Variants in DIS3L2 observed in about 807,000 individuals in gnomAD.
DIS3L2 encodes DIS3-like exonuclease 2.
A neutral mutation model predicts 97.5 loss-of-function variants in DIS3L2; 34 were observed. The ratio of observed to expected loss-of-function variants is 0.35; its 90% confidence interval spans 0.27 to 0.46. The LOEUF is 0.46. Ranked by LOEUF, DIS3L2 falls within the 20% of genes least tolerant of loss-of-function variation. DIS3L2 has a pLI of 1.00. For missense variants in DIS3L2, 1,038 were observed against 1,146.0 expected, an observed-to-expected ratio of 0.91 and a Z score of 1.36; for synonymous variants, 435 against 445.2, an observed-to-expected ratio of 0.98 and a Z score of 0.29.
chr2:232,099,448 CAAGTGATCTGCATACCTCAGCCTCCCA>C (rs1337669918), intron 6 of DIS3L2, among the ~76,000 whole-genome samples: 8 of 152,124 alleles, frequency 5.3e-5, no homozygotes, highest in Non-Finnish European at 7.4e-5. Context: ...CTCCTGGCCT[CAAGTGATCTGCATACCTCAGCCTCCCA>C]AAGTGCTGGG....
At chr2:232,223,245 C>T (rs754409141) in intron 10 of DIS3L2, among the ~76,000 whole-genome samples, 13 of 152,220 alleles carry the variant, frequency 8.5e-5, no homozygotes, top group Non-Finnish European at 1.9e-4. Flanking sequence ...CCAACACACT[C>T]ACTGCTTGAT....
intron 5 of DIS3L2, among the ~76,000 whole-genome samples, chr2:232,038,964 A>G (rs1015545723): frequency 2.0e-5 from 3 of 152,364 alleles, no homozygotes; most frequent in African/African-American, 7.2e-5. Context: ...TTATCTGTTT[A>G]ACTAGCTCCT....
chr2:232,144,907 A>G (rs1690174902), intron 8 of DIS3L2, among the ~76,000 whole-genome samples: 1 of 152,218 alleles, frequency 6.6e-6, no homozygotes, highest in Non-Finnish European at 1.5e-5. Context: ...GAAAGATACC[A>G]CAGAGGTGAT....
intron 5 of DIS3L2, among the ~76,000 whole-genome samples, chr2:232,030,289 C>G (rs951903486): frequency 3.3e-5 from 5 of 152,186 alleles, no homozygotes; most frequent in Non-Finnish European, 7.3e-5. Flanking sequence ...TCTCCTTGCT[C>G]TCTCTCTAGT....
At chr2:232,244,125 T>C (rs1574968169) in intron 11 of DIS3L2, among the ~76,000 whole-genome samples, 1 of 152,190 alleles carries the variant, frequency 6.6e-6, no homozygotes, top group East Asian at 1.9e-4. Flanking sequence ...GGTTTTTATC[T>C]GAGAGAGGAA....
chr2:232,295,881 G>A (rs1484864241), intron 13 of DIS3L2, among the ~76,000 whole-genome samples: 4 of 152,164 alleles, frequency 2.6e-5, no homozygotes, highest in African/African-American at 9.7e-5. Flanking sequence ...CCCTCCTTGA[G>A]GCATGTTCTC....
chr2:232,098,092 G>A (rs1265858985), intron 6 of DIS3L2, among the ~76,000 whole-genome samples: 8 of 152,160 alleles, frequency 5.3e-5, no homozygotes, highest in Non-Finnish European at 1.2e-4. Context: ...GGTGAACAAT[G>A]TAGTCATACT....
intron 13 of DIS3L2, among the ~76,000 whole-genome samples, chr2:232,273,517 G>A (rs1467167609): frequency 6.6e-6 from 1 of 152,206 alleles, no homozygotes; most frequent in African/African-American, 2.4e-5. Flanking sequence ...TTCTTTCCTT[G>A]TGAATGAAAG....
Position 232,334,771 on chromosome 2 carries a change from C to T in DIS3L2, c.2394+36C>T, listed in dbSNP as rs1379730110. 4 of 1,550,362 alleles carry T rather than the reference C, an allele frequency of 2.6e-6. No homozygotes were observed. The Admixed American group carries it at 5.7e-5, about 22-fold the overall frequency. The stretch of plus-strand genomic sequence containing the variant: ...TGGGAGAGCCCGGGGGCGGGCAGGG[C>T]AGCCCAAGCCATCCCGCACTGGAGG... On this transcript the variant is annotated intron_variant, in intron 19 of 20. Transcript: ENST00000325385.
chr2:232,034,558 T>G (rs1390218545), intron 5 of DIS3L2, among the ~76,000 whole-genome samples: 1 of 152,200 alleles, frequency 6.6e-6, no homozygotes, highest in African/African-American at 2.4e-5. Context: ...AATTGTGATG[T>G]TAGGGTGTTG....
chr2:232,049,717 T>C (rs1225318242), intron 5 of DIS3L2, among the ~76,000 whole-genome samples: 2 of 152,228 alleles, frequency 1.3e-5, no homozygotes. Flanking sequence ...TTTTACTTTT[T>C]GGTTTTCCAT....
intron 3 of DIS3L2, among the ~76,000 whole-genome samples, 179 bp from the exon 4 acceptor site, chr2:232,024,098 T>C (rs1694591393): frequency 6.6e-6 from 1 of 152,214 alleles, no homozygotes; most frequent in African/African-American, 2.4e-5. Context: ...GATAGAACCC[T>C]CTATTTCAGA....
chr2:232,212,436 C>G (rs1443184973), intron 10 of DIS3L2, among the ~76,000 whole-genome samples: 1 of 152,198 alleles, frequency 6.6e-6, no homozygotes, highest in African/African-American at 2.4e-5. Flanking sequence ...GGCCTGGAAC[C>G]CTGCACCTTG....
chr2:232,340,050 G>T (rs919536893), downstream of DIS3L2, among the ~76,000 whole-genome samples: 1 of 152,174 alleles, frequency 6.6e-6, no homozygotes, highest in Non-Finnish European at 1.5e-5. Context: ...CTGGGGCCAG[G>T]CCTGACTGGC....
At chr2:232,164,171 CT>C (rs1248242246) in intron 9 of DIS3L2, among the ~76,000 whole-genome samples, 1 of 152,206 alleles carries the variant, frequency 6.6e-6, no homozygotes. Flanking sequence ...AGACTGTTAT[CT>C]AGTGAGAAGT....
intron 6 of DIS3L2, among the ~76,000 whole-genome samples, chr2:232,112,916 G>A (rs1337645980): frequency 6.6e-6 from 1 of 152,168 alleles, no homozygotes; most frequent in Non-Finnish European, 1.5e-5. Flanking sequence ...AATATTCTTG[G>A]TATGAACAGG....
chr2:232,058,454 C>T (rs1695607829), intron 5 of DIS3L2, among the ~76,000 whole-genome samples: 1 of 152,128 alleles, frequency 6.6e-6, no homozygotes, highest in South Asian at 2.1e-4. Flanking sequence ...GTAACATTCT[C>T]TGTTTCTAAT....
At chr2:232,176,680 C>T (rs1691167062) in intron 9 of DIS3L2, among the ~76,000 whole-genome samples, 2 of 151,760 alleles carry the variant, frequency 1.3e-5, no homozygotes, top group South Asian at 4.1e-4. Context: ...CCTCCGCCTT[C>T]CAGGCTCAAG....
chr2:232,332,938 G>A (rs1164220969), intron 16 of DIS3L2, among the ~76,000 whole-genome samples: 2 of 152,072 alleles, frequency 1.3e-5, no homozygotes, highest in African/African-American at 2.4e-5. Context: ...GCAGGGGATC[G>A]CATCCTGGGC....
Sources: allele counts gnomAD v4.1 joint callset (sites outside exome capture counted in the v4.1 genomes callset), GRCh38; gene constraint gnomAD v4.1.1; transcripts MANE v1.5; gene names NCBI Gene and HGNC (gene_info 2026-07-23, HGNC 2026-07-21).